GALNT13: variants seen among roughly 807,000 people sequenced by gnomAD.
GALNT13 encodes the protein UDP-GalNAc:polypeptide N-acetylgalactosaminyltransferase 13.
Under a neutral mutation model 64.2 loss-of-function variants are expected in GALNT13, and 28 were observed. That is an observed-to-expected ratio of 0.44 (90% confidence interval 0.32 to 0.60). The LOEUF is 0.60. Among genes scored for constraint, GALNT13 ranks in the 20% least tolerant of loss-of-function variants. GALNT13 has a pLI of 0.05. For synonymous variants in GALNT13, 214 were observed against 224.6 expected (o/e 0.95, Z 0.42); for missense variants, 577 against 669.8 (o/e 0.86, Z 1.53).
the GALNT13 span, among the ~76,000 whole-genome samples, chr2:153,574,055 T>A: frequency 6.6e-6 from 1 of 152,016 alleles, no homozygotes; most frequent in African/African-American, 2.4e-5. Context: ...TCAGCTTTTG[T>A]TTGTCTGGGA....
chr2:153,932,748 C>T (rs1690625156), intron 2 of GALNT13, among the ~76,000 whole-genome samples: 1 of 151,194 alleles, frequency 6.6e-6, no homozygotes, highest in Admixed American at 6.6e-5. Flanking sequence ...CTGCCTTAGC[C>T]TTCCCAGTAG....
At chr2:154,100,875 T>G (rs1702312010) in intron 3 of GALNT13, among the ~76,000 whole-genome samples, 1 of 152,136 alleles carries the variant, frequency 6.6e-6, no homozygotes, top group Non-Finnish European at 1.5e-5. Context: ...TGAGGTATTT[T>G]CTTTCCATGC....
chr2:153,721,823 T>C, the GALNT13 span, among the ~76,000 whole-genome samples: 1 of 151,626 alleles, frequency 6.6e-6, no homozygotes, highest in African/African-American at 2.4e-5. Flanking sequence ...CTGAGTGACC[T>C]ACAAAGAGAC....
chr2:153,380,599 T>C, the GALNT13 span, among the ~76,000 whole-genome samples: 1 of 151,920 alleles, frequency 6.6e-6, no homozygotes, highest in Non-Finnish European at 1.5e-5. Flanking sequence ...CTGGAAACAA[T>C]AGCCTAGGGA....
At chr2:153,151,238 C>T in the GALNT13 span, among the ~76,000 whole-genome samples, 1 of 152,012 alleles carries the variant, frequency 6.6e-6, no homozygotes, top group South Asian at 2.1e-4. Flanking sequence ...AAATGCTAAT[C>T]ATCACTGGCC....
chr2:153,277,927 C>CTTTTTTTTTTTTTTTTTTTTTTTTTTTTT, the GALNT13 span, among the ~76,000 whole-genome samples: 13 of 80,108 alleles, frequency 1.6e-4, 1 homozygote, highest in East Asian at 6.2e-4. Flanking sequence ...TCTTTTCTTT[C>CTTTTTTTTTTTTTTTTTTTTTTTTTTTTT]TTTTTTTTTT....
At chr2:154,252,247 G>A (rs1226520148) in intron 7 of GALNT13, among the ~76,000 whole-genome samples, 4 of 151,868 alleles carry the variant, frequency 2.6e-5, no homozygotes, top group Non-Finnish European at 5.9e-5. Context: ...AACTTTGAGA[G>A]AAATTGTTTA....
At chr2:154,039,385 T>C (rs1432543715) in intron 3 of GALNT13, among the ~76,000 whole-genome samples, 1 of 139,742 alleles carries the variant, frequency 7.2e-6, no homozygotes, top group East Asian at 2.0e-4. Context: ...GATAAATGGA[T>C]CAAGAAAAAT....
chr2:154,113,536 A>G (rs1703105942), intron 3 of GALNT13, among the ~76,000 whole-genome samples: 1 of 152,216 alleles, frequency 6.6e-6, no homozygotes, highest in Non-Finnish European at 1.5e-5. Context: ...CTTAGGAGGA[A>G]TATCTCAACA....
chr2:153,848,776 A>T, the GALNT13 span, among the ~76,000 whole-genome samples: 1 of 151,956 alleles, frequency 6.6e-6, no homozygotes, highest in Non-Finnish European at 1.5e-5. Flanking sequence ...AATATGAAGC[A>T]TTTATGGCAA....
chr2:153,845,953 T>C, the GALNT13 span, among the ~76,000 whole-genome samples: 28 of 152,280 alleles, frequency 1.8e-4, no homozygotes, highest in Non-Finnish European at 3.1e-4. Flanking sequence ...TGAAATGACA[T>C]CTTTGAAGTT....
chr2:154,373,603 T>G (rs1176782449), intron 9 of GALNT13, among the ~76,000 whole-genome samples: 1 of 152,184 alleles, frequency 6.6e-6, no homozygotes, highest in Non-Finnish European at 1.5e-5. Flanking sequence ...CCTCAAAAGA[T>G]CTTGTATAAA....
intron 2 of GALNT13, among the ~76,000 whole-genome samples, chr2:153,904,142 T>C (rs1434655134): frequency 6.6e-6 from 1 of 151,972 alleles, no homozygotes; most frequent in Non-Finnish European, 1.5e-5. Context: ...TTCTTTAATG[T>C]TTTTGTGTGG....
At chr2:154,377,015 A>G (rs1574193747) in intron 9 of GALNT13, among the ~76,000 whole-genome samples, 1 of 152,208 alleles carries the variant, frequency 6.6e-6, no homozygotes, top group Non-Finnish European at 1.5e-5. Flanking sequence ...AGAACCTGGA[A>G]TATAATACAA....
At chr2:153,485,920 A>C in the GALNT13 span, among the ~76,000 whole-genome samples, 1 of 152,184 alleles carries the variant, frequency 6.6e-6, no homozygotes, top group South Asian at 2.1e-4. Flanking sequence ...CAAAAAAGAA[A>C]ATAAATCACC....
Position 154,298,838 on chromosome 2 carries a change from A to C in GALNT13, c.976-2571A>C, listed in dbSNP as rs192154392. ...ATTATTTATATATACATTATATATA[A>C]ATTATATATTATTTATATATACATT... On this transcript the variant is annotated intron_variant, in intron 8 of 12. Coordinates refer to ENST00000392825, the MANE Select transcript of GALNT13 (RefSeq NM_052917.4). Among the ~76,000 whole-genome samples, 213 of 6,872 alleles carry C rather than the reference A, an allele frequency of 0.031. 4 individuals carry two copies. In the South Asian group the frequency reaches 0.36, roughly 12 times the overall value. The allele number at this position is 6,872 out of a possible 152,430, so 4.5% of individuals were successfully genotyped here.
At chr2:154,279,798 T>A (rs1574007809) in intron 8 of GALNT13, among the ~76,000 whole-genome samples, 1 of 152,256 alleles carries the variant, frequency 6.6e-6, no homozygotes, top group Admixed American at 6.5e-5. Flanking sequence ...ACCAATTAAT[T>A]TTTTTAATAA....
chr2:153,398,679 A>T, the GALNT13 span, among the ~76,000 whole-genome samples: 2 of 152,118 alleles, frequency 1.3e-5, no homozygotes, highest in Non-Finnish European at 1.5e-5. Flanking sequence ...GCCAGTGATG[A>T]TGAGCATTTT....
chr2:153,378,899 C>T, the GALNT13 span, among the ~76,000 whole-genome samples: 7 of 152,054 alleles, frequency 4.6e-5, no homozygotes, highest in Admixed American at 1.3e-4. Context: ...AGACTATAGG[C>T]ACTAATTAAT....
Sources: gnomAD v4.1 joint callset for allele counts (sites outside exome capture counted in the v4.1 genomes callset) on GRCh38, gnomAD v4.1.1 for gene constraint, MANE v1.5 for transcripts, NCBI Gene and HGNC (gene_info 2026-07-23, HGNC 2026-07-21) for gene names.